The following CYTH1 variants were observed in gnomAD, a reference collection of about 807,000 sequenced individuals.
CYTH1 encodes the protein cytohesin 1, also known as cytohesin-1.
CYTH1 carries 18 observed loss-of-function variants against 61.8 expected under a neutral mutation model. That is an observed-to-expected ratio of 0.29 (90% confidence interval 0.20 to 0.43). The LOEUF (loss-of-function observed/expected upper bound fraction) is 0.43. CYTH1 is among the 20% of genes least tolerant of loss of function. CYTH1 has a pLI of 1.00. For synonymous variants in CYTH1, 174 were observed against 184.3 expected, an observed-to-expected ratio of 0.94 and a Z score of 0.45; for missense variants, 336 against 510.5, an observed-to-expected ratio of 0.66 and a Z score of 3.29.
intron 1 of CYTH1, among the ~76,000 whole-genome samples, chr17:78,724,918 T>C (rs1373624818): frequency 6.6e-6 from 1 of 152,218 alleles, no homozygotes; most frequent in African/African-American, 2.4e-5. Flanking sequence ...GTGTGAACAA[T>C]TTTCTTTTAG....
At chr17:78,743,056 A>G (rs1028489257) in intron 1 of CYTH1, among the ~76,000 whole-genome samples, 1 of 152,126 alleles carries the variant, frequency 6.6e-6, no homozygotes, top group African/African-American at 2.4e-5. Context: ...GAGTTACTTA[A>G]AAGTATTCCT....
chr17:78,685,411 A>G (rs1232718763), intron 11 of CYTH1, among the ~76,000 whole-genome samples: 1 of 151,846 alleles, frequency 6.6e-6, no homozygotes, highest in Non-Finnish European at 1.5e-5. Flanking sequence ...TGCAGCCACA[A>G]TTTCTGGTTA....
chr17:78,696,207 C>T (rs575926150), intron 9 of CYTH1, among the ~76,000 whole-genome samples, 198 bp from the exon 10 acceptor site: 4 of 152,338 alleles, frequency 2.6e-5, no homozygotes, highest in Non-Finnish European at 5.9e-5. Flanking sequence ...CTGTCTGGCA[C>T]GTGAACGAGG....
chr17:78,752,442 C>CT (rs1277691804), intron 1 of CYTH1, among the ~76,000 whole-genome samples: 4 of 150,548 alleles, frequency 2.7e-5, no homozygotes, highest in East Asian at 3.9e-4. Flanking sequence ...CAGAGAACTT[C>CT]TTTTTTTTGA....
chr17:78,733,728 A>G (rs1455969080), intron 1 of CYTH1, among the ~76,000 whole-genome samples: 3 of 152,268 alleles, frequency 2.0e-5, no homozygotes, highest in Admixed American at 6.5e-5. Context: ...TTGAAGGACC[A>G]ACGGATTCCC....
At position 78,700,724 on chromosome 17, in the gene CYTH1, C is replaced by T. The variant is rs1395897631; in HGVS notation, c.438-281G>A. On this transcript the variant is annotated intron_variant, in intron 6 of 13. Coordinates refer to ENST00000446868, the MANE Select transcript of CYTH1 (RefSeq NM_004762.6). The surrounding 1 kb of genome is among the most constrained non-coding windows in gnomAD (Gnocchi z 5.1). The stretch of plus-strand genomic sequence containing the variant: ...ATTTTTAGTAGAGACGGGGTTTCAC[C>T]ATGCTGGCCAGGCTGGTCTCAAACT... Among the ~76,000 whole-genome samples, 1 of 151,976 alleles carries T rather than the reference C, an allele frequency of 6.6e-6. No individual in the cohort carries two copies. The highest frequency in any genetic ancestry group is 2.1e-4 in the South Asian group (1 of 4,818).
At chr17:78,678,008 T>A (rs2143965292) in intron 13 of CYTH1, 1 of 152,302 alleles carries the variant, frequency 6.6e-6, no homozygotes, top group Admixed American at 6.5e-5. Context: ...ATCCTAATGG[T>A]CCCACCTCGC....
At chr17:78,685,222 A>G (rs2092804718) in intron 11 of CYTH1, among the ~76,000 whole-genome samples, 1 of 151,726 alleles carries the variant, frequency 6.6e-6, no homozygotes, top group Non-Finnish European at 1.5e-5. Flanking sequence ...AAAAAAAAAA[A>G]AAGGTTTTAC....
intron 1 of CYTH1, among the ~76,000 whole-genome samples, chr17:78,760,756 A>C (rs1018377827): frequency 1.3e-5 from 2 of 151,770 alleles, no homozygotes; most frequent in Non-Finnish European, 2.9e-5. Flanking sequence ...TTATCTTTCT[A>C]AAAGTTACAG....
chr17:78,757,582 G>A (rs2093406790), intron 1 of CYTH1, among the ~76,000 whole-genome samples: 1 of 152,120 alleles, frequency 6.6e-6, no homozygotes, highest in Non-Finnish European at 1.5e-5. Flanking sequence ...AGTTCATTCT[G>A]CCAATGCTGA....
At chr17:78,690,304 G>A (rs2092866807) in intron 11 of CYTH1, among the ~76,000 whole-genome samples, 1 of 147,088 alleles carries the variant, frequency 6.8e-6, no homozygotes, top group African/African-American at 2.5e-5. Context: ...CGAGGCAGGA[G>A]AATGGCGTGA....
intron 1 of CYTH1, among the ~76,000 whole-genome samples, chr17:78,734,431 GCT>G (rs1567866758): frequency 1.6e-4 from 15 of 91,290 alleles, no homozygotes; most frequent in African/African-American, 5.7e-4. Flanking sequence ...GTAAAAAAAA[GCT>G]TTTTTTTTTT....
intron 1 of CYTH1, among the ~76,000 whole-genome samples, chr17:78,714,596 A>G (rs1010965027): frequency 1.3e-5 from 2 of 152,132 alleles, no homozygotes; most frequent in African/African-American, 4.8e-5. Context: ...ATGAGCAGAC[A>G]AGTGTGGAGC....
chr17:78,700,425 G>A lies in CYTH1; in HGVS notation c.456C>T (p.Phe152=), dbSNP rs769941638. The A allele has an allele frequency of 3.0e-5, 48 of 1,612,900 alleles. No individual in the cohort carries two copies. In the South Asian group the frequency reaches 5.2e-4, roughly 17 times the overall value. The part of the protein sequence containing the change: ...VQALRQFLWS[F]RLPGEAQKID... ...TCTTCTGGGCCTCTCCGGGTAGCCGGAAGCTCCACAGGAACTGCCTGAGTG... is the reference window on the plus strand; with the variant it reads ...TCTTCTGGGCCTCTCCGGGTAGCCGAAAGCTCCACAGGAACTGCCTGAGTG... Residue 152 remains phenylalanine, a synonymous_variant, in exon 7 of 14, where the codon TTC becomes TTT. Coordinates refer to ENST00000446868, the MANE Select transcript of CYTH1 (RefSeq NM_004762.6). The surrounding 1 kb of genome is among the most constrained non-coding windows in gnomAD (Gnocchi z 5.1).
At chr17:78,734,929 G>A (rs1384695198) in intron 1 of CYTH1, among the ~76,000 whole-genome samples, 1 of 152,042 alleles carries the variant, frequency 6.6e-6, no homozygotes, top group African/African-American at 2.4e-5. Flanking sequence ...CCTCCCCTGG[G>A]ATCTCAGGGA....
At chr17:78,716,446 C>T (rs903021350) in intron 1 of CYTH1, among the ~76,000 whole-genome samples, 1 of 152,142 alleles carries the variant, frequency 6.6e-6, no homozygotes, top group African/African-American at 2.4e-5. Context: ...CAATTTGTAG[C>T]TAGAATAAAT....
At chr17:78,759,825 C>T (rs1016715053) in intron 1 of CYTH1, among the ~76,000 whole-genome samples, 2 of 152,168 alleles carry the variant, frequency 1.3e-5, no homozygotes, top group African/African-American at 4.8e-5. Context: ...GCATCTCTGG[C>T]CAGGCCAACT....
intron 1 of CYTH1, among the ~76,000 whole-genome samples, chr17:78,729,628 T>G (rs919388990): frequency 1.3e-5 from 2 of 152,166 alleles, no homozygotes; most frequent in Admixed American, 6.5e-5. Context: ...ACTTATGAAT[T>G]TGATTCTTAA....
At chr17:78,676,217 G>T (rs1355797279) in intron 13 of CYTH1, 48 bp from the exon 14 acceptor site, 1 of 1,557,502 alleles carries the variant, frequency 6.4e-7, no homozygotes, top group East Asian at 2.3e-5. Context: ...GACAGAATCA[G>T]AAGAAACACA....
Sources: gnomAD v4.1 joint callset for allele counts (sites outside exome capture counted in the v4.1 genomes callset) on GRCh38, gnomAD v4.1.1 for gene constraint, Gnocchi (gnomAD v3.1) non-coding constraint, MANE v1.5 for transcripts, NCBI Gene and HGNC (gene_info 2026-07-23, HGNC 2026-07-21) for gene names.